HNRNPH1: variants seen among roughly 807,000 people sequenced by gnomAD.
The protein encoded by HNRNPH1 is heterogeneous nuclear ribonucleoprotein H1.
HNRNPH1 carries 4 observed loss-of-function variants against 58.6 expected under a neutral mutation model. That is an observed-to-expected ratio of 0.07 (90% CI 0.03 to 0.16). HNRNPH1 has a LOEUF of 0.16. HNRNPH1 is among the 10% of genes least tolerant of loss of function. The pLI, the probability that HNRNPH1 is intolerant of heterozygous loss-of-function variation, is 1.00. For missense variants in HNRNPH1, 271 were observed against 564.2 expected (o/e 0.48, Z 5.26); for synonymous variants, 192 against 189.2 (o/e 1.01, Z -0.12).
intron 2 of HNRNPH1, among the ~76,000 whole-genome samples, chr5:179,632,422 C>T (rs1774919694): frequency 6.6e-6 from 1 of 152,262 alleles, no homozygotes; most frequent in Non-Finnish European, 1.5e-5. Flanking sequence ...GCTGGGATCC[C>T]CGCGTCTCTC....
At chr5:179,618,574 A>G (rs1290160452) in intron 4 of HNRNPH1, 3 of 353,812 alleles carry the variant, frequency 8.5e-6, no homozygotes, top group Non-Finnish European at 1.5e-5. Context: ...TTAGGGGTAG[A>G]GAGGAGTACT....
intron 2 of HNRNPH1, among the ~76,000 whole-genome samples, chr5:179,630,804 A>G (rs936215022): frequency 1.3e-5 from 2 of 151,172 alleles, no homozygotes; most frequent in African/African-American, 2.4e-5. Flanking sequence ...CCAGCTACTC[A>G]GGAGGCTGAG....
At chr5:179,614,955 G>T in exon 13 of HNRNPH1, 1 of 1,530,592 alleles carries the variant, frequency 6.5e-7, no homozygotes, top group Non-Finnish European at 8.9e-7. Context: ...CTGCTCCTTG[G>T]TTACCTGCAA....
At chr5:179,615,337 G>T in intron 12 of HNRNPH1, 1 of 483,116 alleles carries the variant, frequency 2.1e-6, no homozygotes, top group South Asian at 4.4e-5. Flanking sequence ...AATGGCATTT[G>T]AGAAAAGGGA....
chr5:179,630,925 CAAA>C (rs916994876), intron 2 of HNRNPH1, among the ~76,000 whole-genome samples: 6 of 147,030 alleles, frequency 4.1e-5, no homozygotes, highest in Non-Finnish European at 7.4e-5. Context: ...AAAAAAGAAA[CAAA>C]AACAGCTCAA....
chr5:179,629,280 G>C (rs1774655404), upstream of HNRNPH1: 1 of 147,932 alleles, frequency 6.8e-6, no homozygotes, highest in East Asian at 2.0e-4. Context: ...CTGGGTGACA[G>C]AGCGAGACTC....
At chr5:179,622,658 C>A (rs1773066815) in intron 1 of HNRNPH1, among the ~76,000 whole-genome samples, 1 of 152,128 alleles carries the variant, frequency 6.6e-6, no homozygotes, top group Non-Finnish European at 1.5e-5. Flanking sequence ...TTGCAGTGAG[C>A]CGAGAACGCG....
exon 11 of HNRNPH1, chr5:179,616,165 C>T: frequency 6.2e-7 from 1 of 1,614,192 alleles, no homozygotes; most frequent in Non-Finnish European, 8.5e-7. Flanking sequence ...TAGCCGCCTC[C>T]GTAACCCCCA....
At chr5:179,623,014 C>T (rs1382343933) in intron 1 of HNRNPH1, 23 bp downstream of exon 2, 1 of 1,273,220 alleles carries the variant, frequency 7.9e-7, no homozygotes, top group African/African-American at 1.6e-5. Context: ...AACTCGAACT[C>T]CCGCGTCCTA....
At chr5:179,617,317 C>G in intron 8 of HNRNPH1, 197 bp downstream of exon 9, 1 of 737,150 alleles carries the variant, frequency 1.4e-6, no homozygotes, top group Non-Finnish European at 2.2e-6. Context: ...ATATACACTT[C>G]AAGATGTGCA....
chr5:179,618,106 G>A, intron 5 of HNRNPH1, 39 bp downstream of exon 6: 4 of 1,612,512 alleles, frequency 2.5e-6, no homozygotes, highest in South Asian at 1.1e-5. Flanking sequence ...CTAGACAAAG[G>A]AACAGACGAC....
At chr5:179,625,955 A>ATTTTTTT (rs1010509687), upstream of HNRNPH1, among the ~76,000 whole-genome samples, 20 of 149,876 alleles carry the variant, frequency 1.3e-4, no homozygotes, top group African/African-American at 4.7e-4. Flanking sequence ...TTATTTATTT[A>ATTTTTTT]TTTATTTATT....
At chr5:179,622,699 T>A (rs1166097225) in intron 1 of HNRNPH1, 3 of 152,082 alleles carry the variant, frequency 2.0e-5, no homozygotes, top group Non-Finnish European at 2.9e-5. Flanking sequence ...TGACAGAGAC[T>A]CCAACTCAAA....
chr5:179,616,957 T>C (rs144410738), exon 10 of HNRNPH1: 87 of 1,604,364 alleles, frequency 5.4e-5, no homozygotes, highest in Non-Finnish European at 7.2e-5. Flanking sequence ...CATATCTGTG[T>C]TCTGAAATGA....
At chr5:179,629,073 A>ATG (rs1774613748), upstream of HNRNPH1, 1 of 148,222 alleles carries the variant, frequency 6.7e-6, no homozygotes, top group South Asian at 2.2e-4. Flanking sequence ...CGAGGTGGGC[A>ATG]GATCACAAGG....
intron 8 of HNRNPH1, 45 bp from the exon 10 acceptor site, chr5:179,617,155 A>G: frequency 1.3e-6 from 2 of 1,563,442 alleles, no homozygotes; most frequent in Non-Finnish European, 1.8e-6. Flanking sequence ...TTGGTGAAAC[A>G]AAACAGAATA....
exon 1 of HNRNPH1, chr5:179,623,127 A>G (rs1255267724): frequency 1.2e-6 from 2 of 1,605,202 alleles, no homozygotes; most frequent in Non-Finnish European, 1.7e-6. Flanking sequence ...TCCGTGCCCA[A>G]CATCATCGTC....
chr5:179,622,644 G>C (rs1773058436), intron 1 of HNRNPH1, among the ~76,000 whole-genome samples: 2 of 152,214 alleles, frequency 1.3e-5, no homozygotes, highest in Non-Finnish European at 2.9e-5. Context: ...CCAGGAGGCG[G>C]AGGTTGCAGT....
chr5:179,620,768 C>T (rs1771963622), intron 3 of HNRNPH1, 124 bp downstream of exon 4: 1 of 776,356 alleles, frequency 1.3e-6, no homozygotes, highest in Non-Finnish European at 2.1e-6. Context: ...AGGAAGAAAA[C>T]ATTAATTCAT....
Sources: gnomAD v4.1 joint callset for allele counts (sites outside exome capture counted in the v4.1 genomes callset) on GRCh38, gnomAD v4.1.1 for gene constraint, MANE v1.5 for transcripts, NCBI Gene and HGNC (gene_info 2026-07-23, HGNC 2026-07-21) for gene names.